KIAA1328: variants seen among roughly 807,000 people sequenced by gnomAD.
The protein encoded by KIAA1328 is protein hinderin.
In KIAA1328, 52 loss-of-function variants were observed where a neutral mutation model predicts 68.1. That is an observed-to-expected ratio of 0.76 (90% confidence interval 0.61 to 0.96). The LOEUF is 0.96. Ranked by LOEUF, KIAA1328 falls within the 40% of genes least tolerant of loss-of-function variation. The pLI, the probability that KIAA1328 is intolerant of heterozygous loss-of-function variation, is 0.00. For missense variants in KIAA1328, 641 were observed against 677.6 expected, an observed-to-expected ratio of 0.95 and a Z score of 0.60; for synonymous variants, 232 against 239.4, an observed-to-expected ratio of 0.97 and a Z score of 0.28.
chr18:36,929,221 T>TC (rs1235035094), intron 5 of KIAA1328, among the ~76,000 whole-genome samples: 2 of 152,172 alleles, frequency 1.3e-5, no homozygotes, highest in Admixed American at 1.3e-4. Context: ...TGATGGAATT[T>TC]CCACCCTCCC....
At chr18:37,170,561 T>G (rs1362390426) in intron 8 of KIAA1328, among the ~76,000 whole-genome samples, 1 of 152,160 alleles carries the variant, frequency 6.6e-6, no homozygotes, top group Non-Finnish European at 1.5e-5. Flanking sequence ...TGTCTCCCAT[T>G]TCATGCTCGT....
At chr18:36,829,270 G>T in intron 1 of KIAA1328, 74 bp downstream of exon 1, 1 of 1,448,522 alleles carries the variant, frequency 6.9e-7, no homozygotes, top group African/African-American at 1.5e-5. Flanking sequence ...TCGCGTGGCA[G>T]TCCGAGAGCG....
At chr18:36,882,297 G>A (rs971363877) in intron 4 of KIAA1328, among the ~76,000 whole-genome samples, 1 of 152,008 alleles carries the variant, frequency 6.6e-6, no homozygotes, top group Non-Finnish European at 1.5e-5. Context: ...TTACTTTGTG[G>A]TCTGAGAATA....
At chr18:37,116,545 C>A (rs1599328967) in intron 7 of KIAA1328, among the ~76,000 whole-genome samples, 1 of 152,068 alleles carries the variant, frequency 6.6e-6, no homozygotes, top group Admixed American at 6.6e-5. Flanking sequence ...TTAGACCTAA[C>A]ACTATAAAAA....
At chr18:36,858,103 T>G (rs1297176851) in intron 4 of KIAA1328, among the ~76,000 whole-genome samples, 1 of 152,208 alleles carries the variant, frequency 6.6e-6, no homozygotes. Flanking sequence ...AGGAATGCCA[T>G]TATCTCCAGC....
At chr18:36,855,861 A>T (rs564009890) in intron 4 of KIAA1328, among the ~76,000 whole-genome samples, 4 of 152,064 alleles carry the variant, frequency 2.6e-5, no homozygotes, top group African/African-American at 9.6e-5. Flanking sequence ...TTTATATATA[A>T]TGTGATAGAG....
At chr18:36,960,702 A>G (rs978263355) in intron 6 of KIAA1328, among the ~76,000 whole-genome samples, 9 of 152,228 alleles carry the variant, frequency 5.9e-5, no homozygotes, top group African/African-American at 1.2e-4. Flanking sequence ...GCAAACACCA[A>G]CAGACCTGCA....
At chr18:37,036,475 C>T (rs1258569612) in intron 6 of KIAA1328, among the ~76,000 whole-genome samples, 1 of 152,198 alleles carries the variant, frequency 6.6e-6, no homozygotes, top group Non-Finnish European at 1.5e-5. Flanking sequence ...AAGCCTTTTA[C>T]ATACAACTCA....
chr18:37,044,393 A>T (rs913816503), intron 6 of KIAA1328, among the ~76,000 whole-genome samples: 1 of 152,154 alleles, frequency 6.6e-6, no homozygotes, highest in African/African-American at 2.4e-5. Flanking sequence ...AAAGGAGTAT[A>T]TTCAGGTCTC....
intron 9 of KIAA1328, among the ~76,000 whole-genome samples, chr18:37,219,280 A>G (rs1374082790): frequency 6.6e-6 from 1 of 152,220 alleles, no homozygotes; most frequent in African/African-American, 2.4e-5. Flanking sequence ...GTTAGGCTAC[A>G]CAGGGGTCAG....
chr18:37,210,871 C>T (rs1275911669), intron 9 of KIAA1328, among the ~76,000 whole-genome samples: 1 of 151,962 alleles, frequency 6.6e-6, no homozygotes, highest in African/African-American at 2.4e-5. Context: ...TTAGTCTTTC[C>T]TGATAACAAA....
intron 6 of KIAA1328, among the ~76,000 whole-genome samples, chr18:36,981,553 A>C (rs1157995545): frequency 6.6e-6 from 1 of 152,146 alleles, no homozygotes; most frequent in Non-Finnish European, 1.5e-5. Context: ...AAAGACAAAT[A>C]GTACCATATA....
At chr18:37,185,513 G>A (rs1165359932) in intron 9 of KIAA1328, among the ~76,000 whole-genome samples, 1 of 151,922 alleles carries the variant, frequency 6.6e-6, no homozygotes. Flanking sequence ...TTTGCCTTGG[G>A]GAAAGAATAT....
At chr18:36,846,963 A>G (rs893002373) in intron 4 of KIAA1328, among the ~76,000 whole-genome samples, 2 of 151,376 alleles carry the variant, frequency 1.3e-5, no homozygotes, top group African/African-American at 4.8e-5. Flanking sequence ...GCCCCTAGTA[A>G]TCACTTTTCT....
chr18:36,914,657 T>C (rs971730969), intron 5 of KIAA1328, among the ~76,000 whole-genome samples: 1 of 151,732 alleles, frequency 6.6e-6, no homozygotes, highest in African/African-American at 2.4e-5. Context: ...AAGGCAGAGG[T>C]TGCAGTGAGC....
chr18:36,955,317 T>C (rs1442258971), intron 5 of KIAA1328, among the ~76,000 whole-genome samples: 2 of 145,334 alleles, frequency 1.4e-5, no homozygotes, highest in East Asian at 2.0e-4. Flanking sequence ...TTCTTTTCTT[T>C]TTTTTTTTTT....
intron 6 of KIAA1328, among the ~76,000 whole-genome samples, chr18:36,962,684 T>C (rs1598834940): frequency 6.6e-6 from 1 of 152,144 alleles, no homozygotes; most frequent in Non-Finnish European, 1.5e-5. Flanking sequence ...ACGGCACAAC[T>C]ACATGGAACT....
chr18:36,907,534 G>A (rs1014398441), intron 5 of KIAA1328, among the ~76,000 whole-genome samples: 1 of 152,032 alleles, frequency 6.6e-6, no homozygotes, highest in Admixed American at 6.6e-5. Context: ...CTTTTTTTGT[G>A]TAAATTGATC....
At chr18:36,997,943 C>G (rs1262041012) in intron 6 of KIAA1328, among the ~76,000 whole-genome samples, 1 of 152,092 alleles carries the variant, frequency 6.6e-6, no homozygotes, top group Non-Finnish European at 1.5e-5. Context: ...TGTGCCTTCC[C>G]CACCCACTGG....
Sources: allele counts gnomAD v4.1 joint callset (sites outside exome capture counted in the v4.1 genomes callset), GRCh38; gene constraint gnomAD v4.1.1; transcripts MANE v1.5; gene names NCBI Gene and HGNC (gene_info 2026-07-23, HGNC 2026-07-21).